Variants in SLC16A1 observed in about 807,000 individuals in gnomAD.
SLC16A1 encodes solute carrier family 16 member 1.
In SLC16A1, 11 loss-of-function variants were observed where a neutral mutation model predicts 32.2. That is an observed-to-expected ratio of 0.34 (90% CI 0.21 to 0.56). SLC16A1 has a LOEUF of 0.56. Among genes scored for constraint, SLC16A1 ranks in the 20% least tolerant of loss-of-function variants. The pLI, the probability that SLC16A1 is intolerant of heterozygous loss-of-function variation, is 0.87. For missense variants in SLC16A1, 435 were observed against 615.0 expected, an observed-to-expected ratio of 0.71 and a Z score of 3.10; for synonymous variants, 231 against 226.8, an observed-to-expected ratio of 1.02 and a Z score of -0.17.
intron 1 of SLC16A1, among the ~76,000 whole-genome samples, chr1:112,944,155 A>G (rs1649607265): frequency 6.6e-6 from 1 of 152,166 alleles, no homozygotes; most frequent in Non-Finnish European, 1.5e-5. Context: ...ATTACCTGAT[A>G]GTAAAGAAAA....
rs1648406362 is a variant in SLC16A1, at chr1:112,913,838, T to G, written c.*53A>C. ...GGTAGATTACAGGCCAGTAGAATAT[T>G]TTCAGATATCCTGGGTCATGAACTG... On this transcript the variant is annotated 3_prime_UTR_variant, in exon 5 of 5. Coordinates refer to ENST00000369626, the MANE Select transcript of SLC16A1 (RefSeq NM_003051.4). 6.2e-7 allele frequency: 1 copy of G among 1,606,858 alleles called. No individual in the cohort carries two copies. Among genetic ancestry groups the G allele is most frequent in the Non-Finnish European group, 8.5e-7 (1 of 1,173,654 alleles).
intron 1 of SLC16A1, among the ~76,000 whole-genome samples, chr1:112,944,007 TAAATAGGTAAAC>T (rs1649602935): frequency 3.3e-5 from 5 of 151,950 alleles, no homozygotes; most frequent in Non-Finnish European, 5.9e-5. Context: ...AGAAAGAAAG[TAAATAGGTAAAC>T]AAATTAATTA....
chr1:112,942,911 G>C (rs977287853), intron 1 of SLC16A1, among the ~76,000 whole-genome samples: 3 of 152,154 alleles, frequency 2.0e-5, no homozygotes, highest in Non-Finnish European at 4.4e-5. Context: ...AAACTAGCAT[G>C]CAAACTTAAA....
At chr1:112,941,448 A>G (rs527767825) in intron 1 of SLC16A1, among the ~76,000 whole-genome samples, 1 of 152,056 alleles carries the variant, frequency 6.6e-6, no homozygotes, top group African/African-American at 2.4e-5. Context: ...ACACCTGGCT[A>G]ATTTTTGTAT....
At chr1:112,946,473 A>G (rs574768239) in intron 1 of SLC16A1, among the ~76,000 whole-genome samples, 1 of 152,208 alleles carries the variant, frequency 6.6e-6, no homozygotes, top group South Asian at 2.1e-4. Context: ...AGAAAAAAAA[A>G]CCTCTCAGTG....
chr1:112,952,974 G>A (rs1224102876), intron 1 of SLC16A1, among the ~76,000 whole-genome samples: 1 of 151,902 alleles, frequency 6.6e-6, no homozygotes, highest in Non-Finnish European at 1.5e-5. Flanking sequence ...CCCACATCTG[G>A]TCTCCACCAA....
chr1:112,922,538 CTGGGGCAGG>C (rs1648773054), intron 2 of SLC16A1: 1 of 240,106 alleles, frequency 4.2e-6, no homozygotes, highest in African/African-American at 2.3e-5. Flanking sequence ...CTTTGGGAGG[CTGGGGCAGG>C]TGGATCACCC....
intron 4 of SLC16A1, among the ~76,000 whole-genome samples, chr1:112,915,594 G>A (rs12090418): frequency 0.015 from 2,325 of 152,266 alleles, 59 homozygotes; most frequent in African/African-American, 0.053. Flanking sequence ...CAAGGAGACT[G>A]AAGAACAGCT....
chr1:112,948,904 C>T (rs900709078), intron 1 of SLC16A1, among the ~76,000 whole-genome samples: 1 of 152,196 alleles, frequency 6.6e-6, no homozygotes, highest in Non-Finnish European at 1.5e-5. Flanking sequence ...GATCTCCGTT[C>T]ACTGCAAGCT....
intron 1 of SLC16A1, among the ~76,000 whole-genome samples, chr1:112,933,108 C>G (rs1649192037): frequency 6.6e-6 from 1 of 152,086 alleles, no homozygotes; most frequent in South Asian, 2.1e-4. Context: ...GATAACCTAT[C>G]CTCTCGGACT....
intron 2 of SLC16A1, among the ~76,000 whole-genome samples, chr1:112,925,507 T>C (rs74667151): frequency 0.052 from 7,914 of 151,964 alleles, 668 homozygotes; most frequent in African/African-American, 0.18. Context: ...GCCTCCCGAG[T>C]AGCTGGGACT....
intron 1 of SLC16A1, among the ~76,000 whole-genome samples, chr1:112,938,871 G>T (rs1317844515): frequency 6.6e-6 from 1 of 151,290 alleles, no homozygotes; most frequent in Non-Finnish European, 1.5e-5. Flanking sequence ...TAAATAGAAA[G>T]CATTTCTTTT....
rs763252522 is a variant in SLC16A1 at position 112,917,678 on chromosome 1, C to A, written c.728G>T (p.Arg243Leu). 3 of 1,614,078 alleles carry A rather than the reference C, an allele frequency of 1.9e-6. No individual in the cohort carries two copies. Among genetic ancestry groups the A allele is most frequent in the Non-Finnish European group, 2.5e-6 (3 of 1,180,048 alleles). ...CTGATTAATTGTTTGGAAGACTGATCGTTTCTCTTGTTTAGGGTGTCTTCC... is the reference window on the plus strand; with the variant it reads ...CTGATTAATTGTTTGGAAGACTGATAGTTTCTCTTGTTTAGGGTGTCTTCC... The part of the protein sequence containing the change: ...LIGRHPKQEK[R>L]SVFQTINQFL... Residue 243 changes from arginine (R) to leucine (L), a missense_variant, in exon 4 of 5, where the codon CGA becomes CTA. By Grantham distance (102) the Arg-to-Leu change is moderately radical. Coordinates refer to ENST00000369626, the MANE Select transcript of SLC16A1 (RefSeq NM_003051.4). The surrounding 1 kb of genome is among the most constrained non-coding windows in gnomAD (Gnocchi z 4.1).
At chr1:112,920,345 C>T (rs1357132652) in intron 3 of SLC16A1, among the ~76,000 whole-genome samples, 13 of 152,072 alleles carry the variant, frequency 8.5e-5, no homozygotes, top group African/African-American at 3.1e-4. Context: ...CAGTGGCTCA[C>T]GCCTGTAATC....
At chr1:112,921,344 C>T (rs1648727800) in intron 3 of SLC16A1, among the ~76,000 whole-genome samples, 1 of 152,048 alleles carries the variant, frequency 6.6e-6, no homozygotes, top group Non-Finnish European at 1.5e-5. Flanking sequence ...TATATTAAAA[C>T]AAACACACAG....
At chr1:112,920,972 C>CT (rs770641984) in intron 3 of SLC16A1, among the ~76,000 whole-genome samples, 23 of 151,672 alleles carry the variant, frequency 1.5e-4, no homozygotes, top group Non-Finnish European at 3.1e-4. Context: ...CCCGTCTCTA[C>CT]TAAAAAAAAA....
chr1:112,941,525 C>T (rs753518584), intron 1 of SLC16A1, among the ~76,000 whole-genome samples: 22 of 152,264 alleles, frequency 1.4e-4, no homozygotes, highest in South Asian at 2.1e-4. Flanking sequence ...TCAGGTCATC[C>T]GCCTGCCTTG....
chr1:112,917,883 T>C lies in SLC16A1; in HGVS notation c.523A>G (p.Arg175Gly). 6.2e-7 allele frequency: 1 copy of C among 1,610,790 alleles called. No homozygotes were observed. The highest frequency in any genetic ancestry group is 8.5e-7 in the Non-Finnish European group (1 of 1,178,522). The change falls in exon 4 of 5, where the codon AGA becomes GGA. Residue 175 changes from arginine (R) to glycine (G), a missense_variant. Transcript: ENST00000369626. The surrounding 1 kb of genome is among the most constrained non-coding windows in gnomAD (Gnocchi z 4.1). ...CCCCCAAGAATTAGAAAGCTTCCTC[T>C]CCATCCAAAGATACCGAAGAAAACC... Reference protein sequence around the residue: ...NQVFFGIFGWRGSFLILGGLL... With the variant: ...NQVFFGIFGWGGSFLILGGLL...
intron 1 of SLC16A1, among the ~76,000 whole-genome samples, chr1:112,939,113 G>A (rs553215131): frequency 3.6e-4 from 54 of 151,512 alleles, no homozygotes; most frequent in South Asian, 1.5e-3. Flanking sequence ...GGCTGGTCTC[G>A]AACTCCTGAC....
Sources: gnomAD v4.1 joint callset for allele counts (sites outside exome capture counted in the v4.1 genomes callset) on GRCh38, gnomAD v4.1.1 for gene constraint, Gnocchi (gnomAD v3.1) non-coding constraint, MANE v1.5 for transcripts, NCBI Gene and HGNC (gene_info 2026-07-23, HGNC 2026-07-21) for gene names.